Variants in PTPRD observed in about 807,000 individuals in gnomAD.
PTPRD encodes the protein receptor-type tyrosine-protein phosphatase delta.
Under a neutral mutation model 214.5 loss-of-function variants are expected in PTPRD, and 34 were observed. That is an observed-to-expected ratio of 0.16 (90% CI 0.12 to 0.21). The LOEUF is 0.21. Ranked by LOEUF, PTPRD falls within the 10% of genes least tolerant of loss-of-function variation. The pLI is 1.00. For missense variants in PTPRD, 2,545 were observed against 2,398.7 expected (o/e 1.06, Z -1.27); for synonymous variants, 1,128 against 845.7 (o/e 1.33, Z -5.79).
chr9:9,937,501 G>T (rs1603000567), intron 5 of PTPRD, among the ~76,000 whole-genome samples: 1 of 150,090 alleles, frequency 6.7e-6, no homozygotes. Flanking sequence ...GTATATATTT[G>T]GGCTATTTAT....
intron 44 of PTPRD, among the ~76,000 whole-genome samples, chr9:8,326,162 G>A (rs997244487): frequency 8.5e-5 from 13 of 152,126 alleles, no homozygotes; most frequent in Admixed American, 5.9e-4. Context: ...TTCAAAGGGA[G>A]TGCTTCCAGT....
intron 7 of PTPRD, among the ~76,000 whole-genome samples, chr9:9,647,649 A>C (rs1032761725): frequency 6.6e-6 from 1 of 152,172 alleles, no homozygotes; most frequent in Non-Finnish European, 1.5e-5. Context: ...CCTTTGACTC[A>C]GTGCCAAGGT....
chr9:9,742,395 T>G (rs1219027715), intron 6 of PTPRD, among the ~76,000 whole-genome samples: 2 of 152,204 alleles, frequency 1.3e-5, no homozygotes, highest in African/African-American at 4.8e-5. Flanking sequence ...GAGAAATGTA[T>G]GCAGAATACT....
At chr9:8,858,697 CGCCCGCT>C (rs1298145102) in intron 11 of PTPRD, among the ~76,000 whole-genome samples, 6 of 27,974 alleles carry the variant, frequency 2.1e-4, no homozygotes, top group African/African-American at 6.1e-4. Flanking sequence ...GGGCCCGCTG[CGCCCGCT>C]GGCGAATCCC....
intron 3 of PTPRD, among the ~76,000 whole-genome samples, chr9:10,214,687 T>G (rs1267734330): frequency 6.6e-6 from 1 of 152,100 alleles, no homozygotes; most frequent in Non-Finnish European, 1.5e-5. Flanking sequence ...TATGCAATCC[T>G]TCAGTCCAGC....
intron 2 of PTPRD, among the ~76,000 whole-genome samples, chr9:10,459,092 T>C (rs113682797): frequency 0.012 from 1,824 of 152,162 alleles, 33 homozygotes; most frequent in African/African-American, 0.04. Flanking sequence ...TGTTCCTCTC[T>C]CTGTGTCCCT....
chr9:10,469,333 G>A lies in PTPRD; in HGVS notation c.-599-128316C>T, dbSNP rs1339666464. ...TATAAAAGTGTCTAAACTATCAGGT[G>A]TATGGCAAAAAATTGAACAAAATAA... On this transcript the variant is annotated intron_variant, in intron 2 of 45. Transcript: ENST00000381196. Among the ~76,000 whole-genome samples, 4 of 152,226 alleles carry A rather than the reference G, an allele frequency of 2.6e-5. No individual in the cohort carries two copies. In the East Asian group the frequency reaches 7.7e-4, roughly 29 times the overall value.
At chr9:10,010,994 G>T (rs1013143622) in intron 4 of PTPRD, among the ~76,000 whole-genome samples, 3 of 151,862 alleles carry the variant, frequency 2.0e-5, no homozygotes, top group Non-Finnish European at 4.4e-5. Context: ...TATTTCATCT[G>T]GTTAGGACAT....
At chr9:10,236,084 A>G (rs2099627928) in intron 3 of PTPRD, among the ~76,000 whole-genome samples, 1 of 151,918 alleles carries the variant, frequency 6.6e-6, no homozygotes, top group Non-Finnish European at 1.5e-5. Flanking sequence ...TTTTTCAAAA[A>G]GGGCCTTTTC....
intron 10 of PTPRD, among the ~76,000 whole-genome samples, chr9:9,081,841 T>G (rs1053211387): frequency 6.6e-6 from 1 of 151,822 alleles, no homozygotes; most frequent in Non-Finnish European, 1.5e-5. Context: ...TTTTTTTGCT[T>G]TCCATTTGCT....
At chr9:10,266,991 C>T (rs141669968) in intron 3 of PTPRD, among the ~76,000 whole-genome samples, 1 of 151,952 alleles carries the variant, frequency 6.6e-6, no homozygotes, top group African/African-American at 2.4e-5. Flanking sequence ...GAGTTCGAGA[C>T]CAGCCTGGCT....
At chr9:9,381,964 T>C (rs1198248538) in intron 9 of PTPRD, among the ~76,000 whole-genome samples, 2 of 151,978 alleles carry the variant, frequency 1.3e-5, no homozygotes, top group South Asian at 2.1e-4. Context: ...TAGATCACTA[T>C]AGGTAGTATG....
At chr9:10,060,679 A>C (rs764082566) in intron 3 of PTPRD, among the ~76,000 whole-genome samples, 4 of 146,802 alleles carry the variant, frequency 2.7e-5, no homozygotes, top group African/African-American at 1.1e-4. Flanking sequence ...AATTTATCTT[A>C]TGTTTTATAG....
rs1176898062 is a variant in PTPRD at position 10,034,836 on chromosome 9, C to A, written c.-544-1046G>T. On this transcript the variant is annotated intron_variant, in intron 3 of 45. Transcript: ENST00000381196. ...CTTTATGCAGTCTATTATTGATGGT[C>A]ATTTAGGTTGATTACACGTTTTTGC... Among the ~76,000 whole-genome samples the A allele has an allele frequency of 2.0e-5, 3 of 152,196 alleles. No individual in the cohort carries two copies. In the East Asian group the frequency reaches 5.8e-4, roughly 29 times the overall value.
intron 5 of PTPRD, among the ~76,000 whole-genome samples, chr9:9,926,056 C>T (rs1023880505): frequency 1.3e-5 from 2 of 151,886 alleles, no homozygotes; most frequent in Admixed American, 6.6e-5. Context: ...GTCTAGACTC[C>T]CAGGCTCAAG....
At chr9:9,156,868 T>C (rs986110209) in intron 10 of PTPRD, among the ~76,000 whole-genome samples, 1 of 152,152 alleles carries the variant, frequency 6.6e-6, no homozygotes, top group African/African-American at 2.4e-5. Flanking sequence ...ATTCCACTGG[T>C]GTAAATAAGT....
chr9:8,582,620 A>C (rs1308457213), intron 14 of PTPRD, among the ~76,000 whole-genome samples: 2 of 152,234 alleles, frequency 1.3e-5, no homozygotes, highest in African/African-American at 2.4e-5. Context: ...ATGGAGAATA[A>C]GGATAAGAAA....
chr9:9,516,935 A>G (rs371026748), intron 8 of PTPRD, among the ~76,000 whole-genome samples: 24 of 152,266 alleles, frequency 1.6e-4, no homozygotes, highest in African/African-American at 5.8e-4. Context: ...GCAACAAGCT[A>G]CCCAATCACT....
chr9:10,511,893 CATATATATACAT>C (rs1566638705), intron 2 of PTPRD, among the ~76,000 whole-genome samples: 7 of 130,698 alleles, frequency 5.4e-5, no homozygotes, highest in Non-Finnish European at 9.7e-5. Flanking sequence ...TACACACACA[CATATATATACAT>C]ATATATATAC....
Sources: allele counts gnomAD v4.1 joint callset (sites outside exome capture counted in the v4.1 genomes callset), GRCh38; gene constraint gnomAD v4.1.1; transcripts MANE v1.5; gene names NCBI Gene and HGNC (gene_info 2026-07-23, HGNC 2026-07-21).